Variants in ZEB1 observed in about 807,000 individuals in gnomAD.
The protein encoded by ZEB1 is zinc finger E-box-binding homeobox 1.
A neutral mutation model predicts 84.9 loss-of-function variants in ZEB1; 21 were observed. The observed-to-expected ratio is 0.25, with a 90% CI of 0.18 to 0.36. ZEB1 has a LOEUF of 0.36. ZEB1 is among the 10% of genes least tolerant of loss of function. The pLI is 1.00. For synonymous variants in ZEB1, 420 were observed against 471.1 expected, an observed-to-expected ratio of 0.89 and a Z score of 1.41; for missense variants, 1,104 against 1,330.2, an observed-to-expected ratio of 0.83 and a Z score of 2.65.
chr10:31,337,626 G>A (rs554506834), intron 1 of ZEB1, among the ~76,000 whole-genome samples: 76 of 143,522 alleles, frequency 5.3e-4, no homozygotes, highest in Middle Eastern at 3.6e-3. Context: ...AGTATCTTTA[G>A]TATTTTATAC....
intron 1 of ZEB1, among the ~76,000 whole-genome samples, chr10:31,435,139 A>C (rs1408115826): frequency 6.6e-6 from 1 of 152,208 alleles, no homozygotes; most frequent in Non-Finnish European, 1.5e-5. Context: ...AAGAAGGGTC[A>C]GTGGCAGAAT....
At position 31,332,453 on chromosome 10, in the gene ZEB1, G is replaced by C. The variant is rs562386490; in HGVS notation, c.58+13161G>C. Among the ~76,000 whole-genome samples the C allele has an allele frequency of 1.6e-4, 25 of 152,210 alleles. No individual in the cohort carries two copies. In the South Asian group the frequency reaches 5.0e-3, roughly 30 times the overall value. ...AAATACTCTTCATTCACTATTACTA[G>C]TTAATTTTCTAGATTATTTCTGGCA... is the stretch of plus-strand genomic sequence containing the variant. On this transcript the variant is annotated intron_variant, in intron 1 of 8. Coordinates refer to ENST00000424869, the MANE Select transcript of ZEB1 (RefSeq NM_001174096.2).
At chr10:31,377,484 A>G (rs1403139449) in intron 1 of ZEB1, among the ~76,000 whole-genome samples, 2 of 151,908 alleles carry the variant, frequency 1.3e-5, no homozygotes, top group African/African-American at 2.4e-5. Flanking sequence ...TGGCCATCCA[A>G]TATTTCTTTC....
Position 31,361,118 on chromosome 10 carries a change from A to G in ZEB1, c.58+41826A>G, listed in dbSNP as rs556727192. The G allele has an allele frequency of 3.6e-4, 575 of 1,611,998 alleles. 4 individuals carry two copies. The African/African-American group carries it at 7.0e-3, about 20-fold the overall frequency. On this transcript the variant is annotated intron_variant, in intron 1 of 8. Coordinates refer to ENST00000424869, the MANE Select transcript of ZEB1 (RefSeq NM_001174096.2). ...CAAGAACGATCTGATCTTACAGTCA[A>G]GGAAAAAGAAGAACTGATTGAAGAG...
chr10:31,517,865 G>A (rs1459472252), intron 6 of ZEB1, among the ~76,000 whole-genome samples: 1 of 152,022 alleles, frequency 6.6e-6, no homozygotes, highest in Non-Finnish European at 1.5e-5. Context: ...CTATGGAGTA[G>A]GTTTTATTAT....
rs1487922779 is a variant in ZEB1, at chr10:31,528,515, TTTTA to T, written c.*1255_*1258del. The T allele has an allele frequency of 3.9e-5, 6 of 152,228 alleles. No individual in the cohort carries two copies. Among genetic ancestry groups the T allele is most frequent in the Admixed American group, 3.9e-4 (6 of 15,280 alleles). 9.4% of individuals were successfully genotyped at this position (152,228 alleles called of 1,614,324 possible). A position where few individuals can be genotyped will look rare whatever the true frequency, so the allele number is the denominator to read the frequency against. ...AGCTGATTTTTACCTATCAGTATTA[TTTTA>T]TTTCTTTTAGTTTATAGATCTGTGC... On this transcript the variant is annotated 3_prime_UTR_variant, in exon 9 of 9. Coordinates refer to ENST00000424869, the MANE Select transcript of ZEB1 (RefSeq NM_001174096.2).
At chr10:31,326,146 G>C (rs1435889047) in intron 1 of ZEB1, among the ~76,000 whole-genome samples, 1 of 152,038 alleles carries the variant, frequency 6.6e-6, no homozygotes, top group Non-Finnish European at 1.5e-5. Flanking sequence ...AGAAACTCTA[G>C]AAGAGACTTT....
At chr10:31,499,582 G>A (rs1009675722) in intron 3 of ZEB1, among the ~76,000 whole-genome samples, 12 of 152,094 alleles carry the variant, frequency 7.9e-5, no homozygotes, top group Non-Finnish European at 1.6e-4. Flanking sequence ...CATCAATAAG[G>A]AAGTGTATGA....
At chr10:31,445,470 G>T (rs1217492929) in intron 1 of ZEB1, among the ~76,000 whole-genome samples, 1 of 148,264 alleles carries the variant, frequency 6.7e-6, no homozygotes, top group Non-Finnish European at 1.5e-5. Context: ...GGAGCGGTGA[G>T]AGAGGGCATC....
chr10:31,464,064 G>A lies in ZEB1; in HGVS notation c.259+2827G>A, dbSNP rs576035733. Among the ~76,000 whole-genome samples the A allele has an allele frequency of 3.5e-4, 54 of 152,128 alleles. No individual in the cohort carries two copies. In the South Asian group the frequency reaches 0.011, roughly 31 times the overall value. On this transcript the variant is annotated intron_variant, in intron 2 of 8. Coordinates refer to ENST00000424869, the MANE Select transcript of ZEB1 (RefSeq NM_001174096.2). Reference sequence around the variant, plus strand: ...AGTGTGTTTTAAGAATAATCTAATAGAACTAAAAATAAAAAATTGAATAGT... The same window carrying A: ...AGTGTGTTTTAAGAATAATCTAATAAAACTAAAAATAAAAAATTGAATAGT...
At chr10:31,359,490 G>C (rs912774799) in intron 1 of ZEB1, among the ~76,000 whole-genome samples, 1 of 152,032 alleles carries the variant, frequency 6.6e-6, no homozygotes, top group African/African-American at 2.4e-5. Flanking sequence ...TTTGAAAGGG[G>C]TATGTTTACT....
intron 1 of ZEB1, among the ~76,000 whole-genome samples, chr10:31,415,297 C>G (rs753437643): frequency 6.6e-6 from 1 of 152,042 alleles, no homozygotes; most frequent in African/African-American, 2.4e-5. Context: ...GGATGATACC[C>G]TAAGAATTCT....
intron 1 of ZEB1, among the ~76,000 whole-genome samples, chr10:31,438,016 T>C (rs905822567): frequency 5.3e-5 from 8 of 152,256 alleles, no homozygotes; most frequent in Non-Finnish European, 1.2e-4. Flanking sequence ...CTGAAAATCA[T>C]GCCAACTCCT....
chr10:31,523,876 A>T, intron 7 of ZEB1, 57 bp from the exon 8 acceptor site: 1 of 1,574,642 alleles, frequency 6.4e-7, no homozygotes. Context: ...TTTTATGTAT[A>T]TCTCTTGTTT....
At chr10:31,319,207 C>T (rs367615307), upstream of ZEB1, 5 of 1,590,494 alleles carry the variant, frequency 3.1e-6, no homozygotes, top group Non-Finnish European at 4.3e-6. Context: ...GGAGGTGACT[C>T]GAGCATTTAG....
rs756636203 is a variant in ZEB1, at chr10:31,521,377, T to C, written c.2045T>C (p.Leu682Ser). 1 of 1,614,092 alleles carries C rather than the reference T, an allele frequency of 6.2e-7. No individual in the cohort carries two copies. Among genetic ancestry groups the C allele is most frequent in the Non-Finnish European group, 8.5e-7 (1 of 1,180,018 alleles). Residue 682 changes from leucine to serine, a missense_variant, in exon 7 of 9, where the codon TTG (leucine) becomes TCG (serine). By Grantham distance (145) the Leu-to-Ser change is moderately radical. This residue lies in a region of ZEB1 where 531 missense variants were observed against 575.2 expected (regional missense o/e 0.92). Coordinates refer to ENST00000424869, the MANE Select transcript of ZEB1 (RefSeq NM_001174096.2). ...QDSTVNLQSP[L>S]KMTNSPVLPV... ...AGCACAGTAAATCTACAAAGTCCTT[T>C]GAAGATGACTAACTCCCCAGTTTTA...
At chr10:31,420,175 A>G (rs2055917944) in intron 1 of ZEB1, among the ~76,000 whole-genome samples, 5 of 152,262 alleles carry the variant, frequency 3.3e-5, no homozygotes, top group Non-Finnish European at 7.4e-5. Context: ...ACTCTTAGAA[A>G]AGCTGGGACC....
At chr10:31,396,106 T>C (rs1172765403) in intron 1 of ZEB1, among the ~76,000 whole-genome samples, 2 of 152,228 alleles carry the variant, frequency 1.3e-5, no homozygotes, top group African/African-American at 2.4e-5. Flanking sequence ...ATTGTAAGTA[T>C]ACAGTAAGTT....
At chr10:31,377,705 T>C (rs2046904082) in intron 1 of ZEB1, among the ~76,000 whole-genome samples, 1 of 151,854 alleles carries the variant, frequency 6.6e-6, no homozygotes, top group South Asian at 2.1e-4. Context: ...TGTAATGTTT[T>C]TTAACTTCAC....
Sources: gnomAD v4.1 joint callset for allele counts (sites outside exome capture counted in the v4.1 genomes callset) on GRCh38, gnomAD v4.1.1 for gene constraint, gnomAD v4.1.1 regional missense constraint, MANE v1.5 for transcripts, NCBI Gene and HGNC (gene_info 2026-07-23, HGNC 2026-07-21) for gene names.